KDM6A: variants seen among roughly 807,000 people sequenced by gnomAD.
KDM6A encodes lysine demethylase 6A.
KDM6A carries 11 observed loss-of-function variants against 117.6 expected under a neutral mutation model. That is an observed-to-expected ratio of 0.09 (90% confidence interval 0.06 to 0.15). KDM6A has a LOEUF of 0.15. KDM6A is among the 10% of genes least tolerant of loss of function. The pLI is 1.00. For synonymous variants in KDM6A, 384 were observed against 396.1 expected (o/e 0.97, Z 0.36); for missense variants, 799 against 1,077.3 (o/e 0.74, Z 3.62).
At chrX:45,052,883 A>G (rs1287546736) in intron 9 of KDM6A, among the ~76,000 whole-genome samples, 1 of 110,441 alleles carries the variant, frequency 9.1e-6, no homozygotes, top group African/African-American at 3.3e-5. Flanking sequence ...TGTAGAGACA[A>G]GGTCTCTCTC....
At chrX:44,987,088 G>T (rs1029407493) in intron 4 of KDM6A, among the ~76,000 whole-genome samples, 35 of 111,388 alleles carry the variant, frequency 3.1e-4, no homozygotes, top group South Asian at 7.7e-4. Flanking sequence ...TATGAATCTG[G>T]GTGCTCCTGT....
chrX:44,990,066 T>C (rs1225940865), intron 4 of KDM6A, among the ~76,000 whole-genome samples: 1 of 111,896 alleles, frequency 8.9e-6, no homozygotes, highest in East Asian at 2.8e-4. Context: ...GGACTCAAAC[T>C]GGGGAAAAGG....
chrX:44,891,025 G>C (rs1201058871), intron 2 of KDM6A, among the ~76,000 whole-genome samples: 1 of 110,012 alleles, frequency 9.1e-6, no homozygotes, highest in Non-Finnish European at 1.9e-5. Flanking sequence ...ACATTTTCTA[G>C]TTGGATTTTT....
intron 6 of KDM6A, among the ~76,000 whole-genome samples, chrX:45,022,761 A>T (rs966976804): frequency 9.0e-6 from 1 of 111,515 alleles, no homozygotes; most frequent in African/African-American, 3.3e-5. Flanking sequence ...GTTGGTATAG[A>T]TGCTTTTTAG....
At chrX:45,000,589 T>C (rs1229438405) in intron 4 of KDM6A, among the ~76,000 whole-genome samples, 3 of 112,604 alleles carry the variant, frequency 2.7e-5, no homozygotes, top group African/African-American at 9.7e-5. Context: ...AAGGGCTGAC[T>C]GACTGATAAG....
At chrX:44,887,043 C>T (rs1001769498) in intron 2 of KDM6A, among the ~76,000 whole-genome samples, 1 of 107,341 alleles carries the variant, frequency 9.3e-6, no homozygotes, top group Non-Finnish European at 1.9e-5. Flanking sequence ...CAGCCTCAGC[C>T]TCCCGAGTAG....
intron 6 of KDM6A, among the ~76,000 whole-genome samples, chrX:45,023,499 A>G (rs1050597311): frequency 9.0e-6 from 1 of 111,458 alleles, no homozygotes; most frequent in Non-Finnish European, 1.9e-5. Flanking sequence ...TTGGTTTTCA[A>G]AACTTTGACC....
intron 24 of KDM6A, among the ~76,000 whole-genome samples, chrX:45,083,885 A>C (rs781562590): frequency 4.5e-5 from 5 of 111,881 alleles, no homozygotes; most frequent in African/African-American, 6.5e-5. Flanking sequence ...CTCTGTTGTC[A>C]ATCCCATCTG....
rs1602406511 is a variant in KDM6A at position 44,974,240 on chromosome X, C to T, written c.335-426C>T. ...GTGTTGAGTGAGAGAGTTGAGGGAG[C>T]CAATTGCTTCTCAAATAGTTTTTAT... On this transcript the variant is annotated intron_variant, in intron 3 of 29. Transcript: ENST00000611820. Among the ~76,000 whole-genome samples the T allele has an allele frequency of 2.7e-5, 3 of 111,179 alleles. No individual in the cohort carries two copies. The East Asian group carries it at 8.4e-4, about 31-fold the overall frequency.
chrX:45,056,973 C>T (rs752957885), intron 10 of KDM6A, among the ~76,000 whole-genome samples: 1 of 111,482 alleles, frequency 9.0e-6, no homozygotes, highest in Non-Finnish European at 1.9e-5. Context: ...TAGCTGATCT[C>T]TTCTTATGAA....
chrX:45,003,415 T>TA (rs1383143120), intron 4 of KDM6A, among the ~76,000 whole-genome samples: 2 of 99,033 alleles, frequency 2.0e-5, no homozygotes, highest in African/African-American at 8.6e-5. Flanking sequence ...TTTTTTTTTT[T>TA]TAACAGAATA....
At chrX:44,950,594 G>A (rs2037938483) in intron 2 of KDM6A, among the ~76,000 whole-genome samples, 1 of 110,690 alleles carries the variant, frequency 9.0e-6, no homozygotes, top group Admixed American at 9.6e-5. Flanking sequence ...GTGTGTGTGT[G>A]TGTGTGTGTC....
chrX:45,068,776 C>T lies in KDM6A; in HGVS notation c.2080-803C>T, dbSNP rs765075285. On this transcript the variant is annotated intron_variant, in intron 17 of 29. Transcript: ENST00000611820. ...CCTCTCTCCCCTCTCTCCCTCCTCT[C>T]TCCTCTCTCTTCTTTCTCTTTCTCT... Among the ~76,000 whole-genome samples, 20 of 105,358 alleles carry T rather than the reference C, an allele frequency of 1.9e-4. 2 individuals carry two copies. The East Asian group carries it at 6.0e-3, about 31-fold the overall frequency. The allele number at this position is 105,358 out of a possible 115,157, so 91.5% of individuals were successfully genotyped here. A position where few individuals can be genotyped will look rare whatever the true frequency, so the allele number is the denominator to read the frequency against.
chrX:44,886,218 C>G (rs963379491), intron 2 of KDM6A, among the ~76,000 whole-genome samples: 1 of 108,618 alleles, frequency 9.2e-6, no homozygotes, highest in Non-Finnish European at 1.9e-5. Flanking sequence ...CCACCCTGCC[C>G]GGCTAATTTT....
At chrX:44,958,481 C>A (rs1215904467) in intron 2 of KDM6A, among the ~76,000 whole-genome samples, 1 of 109,678 alleles carries the variant, frequency 9.1e-6, no homozygotes, top group South Asian at 3.9e-4. Flanking sequence ...CACGCCCGGC[C>A]CTTTTAATGA....
At chrX:45,006,693 AG>A (rs2041509661) in intron 4 of KDM6A, among the ~76,000 whole-genome samples, 1 of 109,115 alleles carries the variant, frequency 9.2e-6, no homozygotes, top group Admixed American at 9.5e-5. Context: ...TAATCGAAAA[AG>A]GTTGCTTTGT....
intron 2 of KDM6A, among the ~76,000 whole-genome samples, chrX:44,957,287 C>T (rs1473806309): frequency 1.8e-5 from 2 of 111,909 alleles, no homozygotes; most frequent in Non-Finnish European, 3.8e-5. Context: ...TGCAGTTAAT[C>T]TTTTAAGTTG....
At chrX:45,026,698 T>G (rs934883653) in intron 6 of KDM6A, among the ~76,000 whole-genome samples, 5 of 106,409 alleles carry the variant, frequency 4.7e-5, no homozygotes, top group Non-Finnish European at 9.7e-5. Flanking sequence ...CTGGGCATGG[T>G]GGCGCGCCTG....
rs1339931316 is a variant in KDM6A, at chrX:44,922,027, CCTTTTTTTTTTTTTTTT to C, written c.226-39256_226-39240del. ...ATGCTGATAAAATTCATTGTGTGTG[CCTTTTTTTTTTTTTTTT>C]TTTTTTTTTTTTTTTTTTTTAAGAG... On this transcript the variant is annotated intron_variant, in intron 2 of 29. Coordinates refer to ENST00000611820, the MANE Select transcript of KDM6A (RefSeq NM_001291415.2). 2.1e-3 allele frequency among the ~76,000 whole-genome samples: 78 copies of C among 37,714 alleles called. 1 individual carries two copies. The highest frequency in any genetic ancestry group is 0.012 in the South Asian group (4 of 334). 32.8% of individuals were successfully genotyped at this position (37,714 alleles called of 115,157 possible). A position where few individuals can be genotyped will look rare whatever the true frequency, so the allele number is the denominator to read the frequency against.
Sources: gnomAD v4.1 joint callset for allele counts (sites outside exome capture counted in the v4.1 genomes callset) on GRCh38, gnomAD v4.1.1 for gene constraint, MANE v1.5 for transcripts, NCBI Gene and HGNC (gene_info 2026-07-23, HGNC 2026-07-21) for gene names.